The following TANC2 variants were observed in gnomAD, a reference collection of about 807,000 sequenced individuals.
TANC2 encodes the protein protein TANC2.
A neutral mutation model predicts 210.5 loss-of-function variants in TANC2; 26 were observed. The observed-to-expected ratio is 0.12, with a 90% CI of 0.09 to 0.17. TANC2 has a LOEUF of 0.17. Ranked by LOEUF, TANC2 falls within the 10% of genes least tolerant of loss-of-function variation. The pLI is 1.00. For synonymous variants in TANC2, 931 were observed against 967.1 expected, an observed-to-expected ratio of 0.96 and a Z score of 0.69; for missense variants, 2,129 against 2,608.9, an observed-to-expected ratio of 0.82 and a Z score of 4.01.
chr17:63,216,389 A>G (rs1346252605), intron 7 of TANC2, among the ~76,000 whole-genome samples: 3 of 152,056 alleles, frequency 2.0e-5, no homozygotes, highest in Non-Finnish European at 2.9e-5. Flanking sequence ...CCCCTCTTCC[A>G]TTTGGTTATT....
intron 5 of TANC2, among the ~76,000 whole-genome samples, chr17:63,188,597 A>AC (rs1350671532): frequency 6.6e-6 from 1 of 151,856 alleles, no homozygotes; most frequent in African/African-American, 2.4e-5. Context: ...AAAAAAAAAA[A>AC]AAAAAACTGG....
chr17:63,001,594 C>T (rs1315712116), intron 1 of TANC2, among the ~76,000 whole-genome samples: 1 of 149,942 alleles, frequency 6.7e-6, no homozygotes, highest in Non-Finnish European at 1.5e-5. Context: ...CCTCTGTTGC[C>T]CAGGCTGGAG....
At chr17:63,232,422 C>G (rs1343265809) in intron 7 of TANC2, among the ~76,000 whole-genome samples, 1 of 152,186 alleles carries the variant, frequency 6.6e-6, no homozygotes, top group African/African-American at 2.4e-5. Flanking sequence ...GGCTGCTGAC[C>G]TTTGGATGGG....
chr17:63,153,553 G>A (rs2039730958), intron 5 of TANC2: 2 of 152,182 alleles, frequency 1.3e-5, no homozygotes, highest in South Asian at 4.1e-4. Context: ...TAGGTCTGGA[G>A]TGGGTCAAGA....
chr17:63,081,688 T>G (rs2036776280), intron 3 of TANC2, among the ~76,000 whole-genome samples: 1 of 152,212 alleles, frequency 6.6e-6, no homozygotes, highest in Non-Finnish European at 1.5e-5. Flanking sequence ...AAAGTGATTA[T>G]GATAATTAAT....
intron 12 of TANC2, among the ~76,000 whole-genome samples, chr17:63,346,846 C>G (rs1054222273): frequency 6.6e-6 from 1 of 151,958 alleles, no homozygotes; most frequent in Non-Finnish European, 1.5e-5. Flanking sequence ...CCGGGGGCTA[C>G]AGGCATACAC....
chr17:63,312,631 C>T (rs2045166106), intron 9 of TANC2, among the ~76,000 whole-genome samples: 1 of 152,084 alleles, frequency 6.6e-6, no homozygotes, highest in African/African-American at 2.4e-5. Flanking sequence ...TGCTTAGTAC[C>T]TGAGGGACAG....
At chr17:63,201,873 G>A (rs2041546686) in intron 7 of TANC2, among the ~76,000 whole-genome samples, 1 of 152,016 alleles carries the variant, frequency 6.6e-6, no homozygotes, top group African/African-American at 2.4e-5. Context: ...TATATGTATT[G>A]TTATGATTCA....
chr17:63,025,803 A>G (rs991579271), intron 2 of TANC2, among the ~76,000 whole-genome samples: 1 of 117,968 alleles, frequency 8.5e-6, no homozygotes, highest in African/African-American at 3.7e-5. Flanking sequence ...CTCAAAAATA[A>G]AATAAAATAA....
intron 17 of TANC2, among the ~76,000 whole-genome samples, chr17:63,393,093 C>G (rs1047453038): frequency 6.6e-6 from 1 of 152,172 alleles, no homozygotes; most frequent in Admixed American, 6.5e-5. Context: ...CCTCCTTAGT[C>G]TCCTCCAACC....
chr17:63,193,940 A>C, intron 5 of TANC2, 51 bp from the exon 6 acceptor site: 1 of 1,552,736 alleles, frequency 6.4e-7, no homozygotes, highest in Non-Finnish European at 8.7e-7. Context: ...TTGCAGAACT[A>C]GACCATTTTA....
intron 3 of TANC2, among the ~76,000 whole-genome samples, chr17:63,094,131 CCTTA>C (rs1394719279): frequency 2.0e-5 from 3 of 152,004 alleles, no homozygotes; most frequent in Non-Finnish European, 4.4e-5. Flanking sequence ...TGTGAATTTG[CCTTA>C]CTGACTTATT....
chr17:63,299,534 C>CTT (rs201041332), intron 9 of TANC2, among the ~76,000 whole-genome samples: 18 of 126,538 alleles, frequency 1.4e-4, no homozygotes, highest in East Asian at 4.7e-4. Flanking sequence ...TGATGTTAAG[C>CTT]TTTTTTTTTT....
At chr17:63,062,281 G>T (rs2036023355) in intron 2 of TANC2, among the ~76,000 whole-genome samples, 1 of 151,986 alleles carries the variant, frequency 6.6e-6, no homozygotes, top group African/African-American at 2.4e-5. Context: ...CTCTTTTGTT[G>T]TTTTTTTGTG....
chr17:63,425,813 C>T (rs566363376), exon 28 of TANC2: 9 of 152,308 alleles, frequency 5.9e-5, no homozygotes, highest in Admixed American at 5.9e-4. Context: ...ACCAGAGCTC[C>T]CTTGCTCTGG....
chr17:63,304,754 A>T (rs925663523), intron 9 of TANC2, among the ~76,000 whole-genome samples: 3 of 151,894 alleles, frequency 2.0e-5, no homozygotes, highest in Non-Finnish European at 2.9e-5. Context: ...GCCCAGGGAG[A>T]TTAGAGTTCT....
intron 5 of TANC2, among the ~76,000 whole-genome samples, chr17:63,174,526 C>G (rs1181623311): frequency 1.3e-5 from 2 of 152,184 alleles, no homozygotes; most frequent in African/African-American, 4.8e-5. Context: ...AAACCTGATG[C>G]TAGAGCTAAT....
chr17:63,174,404 C>T (rs1157945319), intron 5 of TANC2, among the ~76,000 whole-genome samples: 4 of 152,044 alleles, frequency 2.6e-5, no homozygotes, highest in Admixed American at 2.0e-4. Flanking sequence ...CAAAGTGTTG[C>T]CCCCCCAAAT....
intron 4 of TANC2, among the ~76,000 whole-genome samples, chr17:63,119,425 T>C (rs1272305222): frequency 6.6e-6 from 1 of 152,220 alleles, no homozygotes; most frequent in Non-Finnish European, 1.5e-5. Context: ...AGAAAGCCTT[T>C]AAATAGGGAG....
Sources: gnomAD v4.1 joint callset for allele counts (sites outside exome capture counted in the v4.1 genomes callset) on GRCh38, gnomAD v4.1.1 for gene constraint, MANE v1.5 for transcripts, NCBI Gene and HGNC (gene_info 2026-07-23, HGNC 2026-07-21) for gene names.